MARCHF1: variants seen among roughly 807,000 people sequenced by gnomAD.
The protein encoded by MARCHF1 is membrane associated ring-CH-type finger 1, also known as E3 ubiquitin-protein ligase MARCHF1.
MARCHF1 carries 40 observed loss-of-function variants against 54.2 expected under a neutral mutation model. The observed-to-expected ratio is 0.74, with a 90% CI of 0.57 to 0.96. The LOEUF is 0.96. Ranked by LOEUF, MARCHF1 falls within the 40% of genes least tolerant of loss-of-function variation. MARCHF1 has a pLI of 0.00. For missense variants in MARCHF1, 586 were observed against 656.5 expected (o/e 0.89, Z 1.17); for synonymous variants, 236 against 236.3 (o/e 1.00, Z 0.01).
At chr4:164,091,963 A>T (rs756047772) in intron 2 of MARCHF1, among the ~76,000 whole-genome samples, 1 of 151,822 alleles carries the variant, frequency 6.6e-6, no homozygotes, top group Non-Finnish European at 1.5e-5. Flanking sequence ...AAATGACCCA[A>T]AATGTGCATG....
chr4:163,654,745 G>T (rs1319601617), intron 5 of MARCHF1, among the ~76,000 whole-genome samples: 4 of 151,372 alleles, frequency 2.6e-5, no homozygotes, highest in Admixed American at 6.6e-5. Context: ...GTCTTTCTTA[G>T]ACTTTAGGTA....
chr4:164,278,761 A>G (rs764049689), intron 1 of MARCHF1, among the ~76,000 whole-genome samples: 3 of 152,194 alleles, frequency 2.0e-5, no homozygotes, highest in Non-Finnish European at 4.4e-5. Flanking sequence ...TTCCTTTTAG[A>G]AGTCAATCAG....
intron 3 of MARCHF1, among the ~76,000 whole-genome samples, chr4:163,978,935 G>A (rs543289380): frequency 1.6e-3 from 245 of 151,498 alleles, no homozygotes; most frequent in Middle Eastern, 3.5e-3. Context: ...TTATGTTGCC[G>A]GCGATGCTGG....
chr4:163,564,866 G>A (rs2110989135), intron 8 of MARCHF1, among the ~76,000 whole-genome samples: 1 of 148,950 alleles, frequency 6.7e-6, no homozygotes. Context: ...AGATCTCTGG[G>A]GAAACACTTT....
At chr4:163,824,789 T>A in intron 4 of MARCHF1, among the ~76,000 whole-genome samples, 1 of 102,066 alleles carries the variant, frequency 9.8e-6, no homozygotes, top group Admixed American at 1.1e-4. Flanking sequence ...CAAAGAAATT[T>A]ACAAGAAAAA....
intron 2 of MARCHF1, among the ~76,000 whole-genome samples, chr4:164,006,807 G>A (rs1753297861): frequency 6.6e-6 from 1 of 151,708 alleles, no homozygotes; most frequent in African/African-American, 2.4e-5. Context: ...GGTCAGAAAG[G>A]AGTGGAACAT....
intron 1 of MARCHF1, among the ~76,000 whole-genome samples, chr4:164,217,243 C>T (rs1731959168): frequency 1.3e-5 from 2 of 152,200 alleles, no homozygotes. Flanking sequence ...CCAGACCAAA[C>T]AACTTCCCCA....
intron 2 of MARCHF1, among the ~76,000 whole-genome samples, chr4:164,076,248 A>G (rs1754978035): frequency 6.6e-6 from 1 of 152,210 alleles, no homozygotes; most frequent in Non-Finnish European, 1.5e-5. Flanking sequence ...CAAAAAATAA[A>G]AAATTAAAGT....
Position 164,101,176 on chromosome 4 carries a change from A to C in MARCHF1, c.-248+10412T>G, listed in dbSNP as rs1462028010. Among the ~76,000 whole-genome samples the C allele has an allele frequency of 3.3e-5, 5 of 152,318 alleles. No homozygotes were observed. In the East Asian group the frequency reaches 9.7e-4, roughly 30 times the overall value. On this transcript the variant is annotated intron_variant, in intron 2 of 9. Coordinates refer to ENST00000514618, the MANE Select transcript of MARCHF1 (RefSeq NM_001394959.1). The stretch of plus-strand genomic sequence containing the variant: ...GAGATCAAACTGCAAGGCAGCAGCG[A>C]GGCCGGGGGAGGGGCACCCGCCATT...
intron 1 of MARCHF1, among the ~76,000 whole-genome samples, chr4:164,145,209 C>G (rs1359945131): frequency 2.6e-5 from 4 of 151,972 alleles, no homozygotes; most frequent in African/African-American, 9.7e-5. Flanking sequence ...GAGTCCAGGA[C>G]CAGATGGATT....
chr4:163,787,556 T>TA (rs1248703495), intron 4 of MARCHF1, among the ~76,000 whole-genome samples: 8 of 147,762 alleles, frequency 5.4e-5, no homozygotes, highest in South Asian at 4.3e-4. Flanking sequence ...TGGCTACTAT[T>TA]AAAAAAAAAA....
chr4:163,983,472 T>G (rs1752800604), intron 3 of MARCHF1, among the ~76,000 whole-genome samples: 1 of 152,202 alleles, frequency 6.6e-6, no homozygotes, highest in South Asian at 2.1e-4. Flanking sequence ...GCACCCAATG[T>G]ATATTCCATC....
chr4:164,250,741 A>G (rs1733100552), intron 1 of MARCHF1, among the ~76,000 whole-genome samples: 1 of 152,158 alleles, frequency 6.6e-6, no homozygotes, highest in Non-Finnish European at 1.5e-5. Context: ...ACTAGAAGCT[A>G]TAAAAATAAG....
At chr4:163,743,648 G>T (rs543629975) in intron 4 of MARCHF1, among the ~76,000 whole-genome samples, 1 of 150,576 alleles carries the variant, frequency 6.6e-6, no homozygotes, top group African/African-American at 2.4e-5. Flanking sequence ...GCGCGATCTG[G>T]GCTCACTGCA....
chr4:163,892,608 T>C (rs912448383), intron 3 of MARCHF1, among the ~76,000 whole-genome samples: 5 of 148,244 alleles, frequency 3.4e-5, no homozygotes, highest in Non-Finnish European at 7.5e-5. Context: ...AAAATAAAAA[T>C]AAAAATAAAA....
At position 163,933,395 on chromosome 4, in the gene MARCHF1, C is replaced by A. The variant is rs564312805; in HGVS notation, c.-39+55106G>T. ...TGTTTACAGTCTTTTCACACTGCAG[C>A]ATTGGGAAAACTTCATTCCTTGATT... On this transcript the variant is annotated intron_variant, in intron 3 of 9. Coordinates refer to ENST00000514618, the MANE Select transcript of MARCHF1 (RefSeq NM_001394959.1). Among the ~76,000 whole-genome samples the A allele has an allele frequency of 2.0e-5, 3 of 152,328 alleles. No homozygotes were observed. In the South Asian group the frequency reaches 6.2e-4, roughly 32 times the overall value.
chr4:163,880,357 A>G (rs890245389), intron 3 of MARCHF1, among the ~76,000 whole-genome samples: 2 of 151,332 alleles, frequency 1.3e-5, no homozygotes, highest in African/African-American at 4.8e-5. Flanking sequence ...TTGATATTCA[A>G]GTATAATTTA....
chr4:164,133,161 C>T (rs1401745995), intron 1 of MARCHF1, among the ~76,000 whole-genome samples: 1 of 152,144 alleles, frequency 6.6e-6, no homozygotes, highest in Non-Finnish European at 1.5e-5. Context: ...CTCTTTAGGG[C>T]TCTGACTCCT....
At chr4:163,629,186 A>G (rs1399050656) in intron 5 of MARCHF1, among the ~76,000 whole-genome samples, 1 of 152,222 alleles carries the variant, frequency 6.6e-6, no homozygotes, top group Non-Finnish European at 1.5e-5. Flanking sequence ...CCAAAACAGC[A>G]TGGTACTGGT....
Sources: allele counts gnomAD v4.1 joint callset (sites outside exome capture counted in the v4.1 genomes callset), GRCh38; gene constraint gnomAD v4.1.1; transcripts MANE v1.5; gene names NCBI Gene and HGNC (gene_info 2026-07-23, HGNC 2026-07-21).